The following SLC35G2 variants were observed in gnomAD, a reference collection of about 807,000 sequenced individuals.
SLC35G2 encodes solute carrier family 35 member G2, also known as transmembrane protein 22.
A neutral mutation model predicts 27.2 loss-of-function variants in SLC35G2; 20 were observed. That is an observed-to-expected ratio of 0.74 (90% CI 0.52 to 1.07). The LOEUF is 1.07. Among genes scored for constraint, SLC35G2 ranks in the 50% least tolerant of loss-of-function variants. The probability of loss-of-function intolerance (pLI) is 0.00; values close to 1 mark genes in which losing one functional copy is unlikely to be tolerated. For synonymous variants in SLC35G2, 148 were observed against 165.3 expected (o/e 0.90, Z 0.80); for missense variants, 416 against 493.3 (o/e 0.84, Z 1.48).
At chr3:136,829,755 T>G (rs951858763) in intron 1 of SLC35G2, among the ~76,000 whole-genome samples, 1 of 152,180 alleles carries the variant, frequency 6.6e-6, no homozygotes, top group Non-Finnish European at 1.5e-5. Flanking sequence ...ATCTCCTGGC[T>G]TGTAAGGTTT....
chr3:136,834,792 G>A (rs1306842124), intron 1 of SLC35G2, among the ~76,000 whole-genome samples: 1 of 152,046 alleles, frequency 6.6e-6, no homozygotes, highest in Non-Finnish European at 1.5e-5. Context: ...TTAAATACTG[G>A]TATTGCCATT....
intron 1 of SLC35G2, among the ~76,000 whole-genome samples, chr3:136,821,922 T>C (rs961632488): frequency 2.0e-5 from 3 of 152,200 alleles, no homozygotes; most frequent in African/African-American, 7.2e-5. Flanking sequence ...TACTCCTCGA[T>C]TCTATGACTT....
chr3:136,821,455 A>C (rs552065064), intron 1 of SLC35G2, among the ~76,000 whole-genome samples: 111 of 152,248 alleles, frequency 7.3e-4, no homozygotes, highest in Admixed American at 7.2e-4. Flanking sequence ...ACAAAAAAAA[A>C]ATTTTTTTTT....
intron 1 of SLC35G2, among the ~76,000 whole-genome samples, chr3:136,846,991 A>G (rs1937411304): frequency 6.6e-6 from 1 of 152,024 alleles, no homozygotes; most frequent in African/African-American, 2.4e-5. Context: ...ACATGGTGAA[A>G]CCCCATTTCT....
chr3:136,849,736 G>A (rs1358926105), intron 1 of SLC35G2, among the ~76,000 whole-genome samples: 8 of 150,768 alleles, frequency 5.3e-5, no homozygotes, highest in African/African-American at 1.9e-4. Flanking sequence ...CAAGTGATCC[G>A]CCTGCCTCAG....
In SLC35G2 at chr3:136,854,966, T is replaced by C. The variant is rs773813397; in HGVS notation, c.506T>C (p.Phe169Ser). The C allele has an allele frequency of 6.2e-7, 1 of 1,614,196 alleles. No individual in the cohort carries two copies. The highest frequency in any genetic ancestry group is 1.7e-5 in the Admixed American group (1 of 60,030). ...CCCAGTGGATACAGATTACGACTCT[T>C]CTTTTATGGTGTATGCAATGTCATT... ...FGPSGYRLRL[F>S]FYGVCNVISI... Residue 169 changes from phenylalanine to serine, a missense_variant, in exon 2 of 2, where the codon TTC (phenylalanine) becomes TCC (serine). Phe to Ser is a radical substitution (Grantham distance 155). Transcript: ENST00000446465.
chr3:136,833,977 C>G (rs543258287), intron 1 of SLC35G2, among the ~76,000 whole-genome samples: 1 of 151,260 alleles, frequency 6.6e-6, no homozygotes, highest in East Asian at 1.9e-4. Flanking sequence ...TGTATAGTAA[C>G]CGTAAACAAT....
intron 1 of SLC35G2, among the ~76,000 whole-genome samples, chr3:136,845,103 A>G (rs1439902354): frequency 6.8e-6 from 1 of 147,720 alleles, no homozygotes; most frequent in Non-Finnish European, 1.5e-5. Flanking sequence ...GGAAGTTATA[A>G]AATAGGATAT....
At chr3:136,834,807 T>A (rs553976478) in intron 1 of SLC35G2, among the ~76,000 whole-genome samples, 42 of 152,376 alleles carry the variant, frequency 2.8e-4, no homozygotes, top group African/African-American at 9.6e-4. Context: ...GCCATTTTTG[T>A]AACTTATTTT....
rs1236656976 is a variant in SLC35G2 at position 136,855,551 on chromosome 3, T to C, written c.1091T>C (p.Leu364Pro). The change falls in exon 2 of 2, where the codon CTC becomes CCC. Residue 364 changes from leucine to proline, a missense_variant. Transcript: ENST00000446465. The part of the protein sequence containing the change: ...EIVVAMVLQL[L>P]VLHIFPSIYD... ...GTGGTAGCTATGGTCTTGCAGCTTCTCGTGCTGCACATATTTCCTAGCATC... is the reference window on the plus strand; with the variant it reads ...GTGGTAGCTATGGTCTTGCAGCTTCCCGTGCTGCACATATTTCCTAGCATC... The C allele has an allele frequency of 6.2e-7, 1 of 1,614,034 alleles. No homozygotes were observed. The highest frequency in any genetic ancestry group is 8.5e-7 in the Non-Finnish European group (1 of 1,180,000).
chr3:136,851,337 A>T (rs1184998965), intron 1 of SLC35G2, among the ~76,000 whole-genome samples: 2 of 151,470 alleles, frequency 1.3e-5, no homozygotes, highest in Non-Finnish European at 2.9e-5. Flanking sequence ...CACTAAAAAA[A>T]ATACAAAAAA....
chr3:136,830,440 G>A (rs768632757), intron 1 of SLC35G2, among the ~76,000 whole-genome samples: 34 of 152,118 alleles, frequency 2.2e-4, no homozygotes, highest in Non-Finnish European at 4.1e-4. Flanking sequence ...CCGCCACCAC[G>A]CCCAGCTAAT....
At chr3:136,827,839 G>GTT (rs564537228) in intron 1 of SLC35G2, among the ~76,000 whole-genome samples, 7 of 141,154 alleles carry the variant, frequency 5.0e-5, no homozygotes, top group Non-Finnish European at 7.8e-5. Flanking sequence ...CAGGGTTTTT[G>GTT]TTTTTTTTTT....
rs1560007788 is a variant in SLC35G2 at position 136,819,539 on chromosome 3, C to T, written c.-108C>T. The stretch of plus-strand genomic sequence containing the variant: ...CGGCCCGGTTTCCCGTTTCTTTCCG[C>T]TGTCGCGTGTCTGGGCCCTCCTGCA... On this transcript the variant is annotated 5_prime_UTR_variant, in exon 1 of 2. Coordinates refer to ENST00000446465, the MANE Select transcript of SLC35G2 (RefSeq NM_025246.3). The T allele has an allele frequency of 1.2e-5, 1 of 81,048 alleles. No individual in the cohort carries two copies. Among genetic ancestry groups the T allele is most frequent in the African/African-American group, 3.9e-5 (1 of 25,864 alleles). The allele number at this position is 81,048 out of a possible 1,614,324, so 5.0% of individuals were successfully genotyped here.
In SLC35G2 at chr3:136,854,975, G is replaced by A. The variant is rs900516768; in HGVS notation, c.515G>A (p.Gly172Asp). 1.9e-6 allele frequency: 3 copies of A among 1,614,096 alleles called. No homozygotes were observed. Among genetic ancestry groups the A allele is most frequent in the African/African-American group, 2.7e-5 (2 of 75,020 alleles). The part of the protein sequence containing the change: ...SGYRLRLFFY[G>D]VCNVISITCA... The stretch of plus-strand genomic sequence containing the variant: ...TACAGATTACGACTCTTCTTTTATG[G>A]TGTATGCAATGTCATTTCTATCACT... Residue 172 changes from glycine (G) to aspartate (D), a missense_variant, in exon 2 of 2, where the codon GGT becomes GAT. Coordinates refer to ENST00000446465, the MANE Select transcript of SLC35G2 (RefSeq NM_025246.3).
intron 1 of SLC35G2, chr3:136,837,515 T>C (rs750581712): frequency 1.3e-5 from 2 of 152,102 alleles, no homozygotes; most frequent in Non-Finnish European, 2.9e-5. Flanking sequence ...ATAAATAGAA[T>C]CACATCATGA....
Position 136,832,791 on chromosome 3 carries a change from G to A in SLC35G2, c.-19+13163G>A, listed in dbSNP as rs140721929. ...TTAAGATGGTGGAAGGACTGAGGCC[G>A]GGTGTGGTGGCTCACGCCTGTAATC... On this transcript the variant is annotated intron_variant, in intron 1 of 1. Coordinates refer to ENST00000446465, the MANE Select transcript of SLC35G2 (RefSeq NM_025246.3). Among the ~76,000 whole-genome samples the A allele has an allele frequency of 3.0e-3, 462 of 152,292 alleles. 1 individual carries two copies. Among genetic ancestry groups the A allele is most frequent in the African/African-American group, 9.6e-3 (401 of 41,568 alleles).
intron 1 of SLC35G2, among the ~76,000 whole-genome samples, chr3:136,839,436 G>GA (rs987685148): frequency 6.6e-6 from 1 of 151,428 alleles, no homozygotes; most frequent in Non-Finnish European, 1.5e-5. Context: ...GCCACATAAA[G>GA]TTTTTTTTTC....
At chr3:136,820,806 G>A (rs1936438447) in intron 1 of SLC35G2, among the ~76,000 whole-genome samples, 2 of 152,258 alleles carry the variant, frequency 1.3e-5, no homozygotes, top group South Asian at 4.1e-4. Flanking sequence ...AGAGCCTGTG[G>A]ATTGAAGTGT....
Sources: gnomAD v4.1 joint callset for allele counts (sites outside exome capture counted in the v4.1 genomes callset) on GRCh38, gnomAD v4.1.1 for gene constraint, MANE v1.5 for transcripts, NCBI Gene and HGNC (gene_info 2026-07-23, HGNC 2026-07-21) for gene names.